The following RGL4 variants were observed in gnomAD, a reference collection of about 807,000 sequenced individuals.
RGL4 encodes ral guanine nucleotide dissociation stimulator like 4.
A neutral mutation model predicts 49.6 loss-of-function variants in RGL4; 41 were observed. That is an observed-to-expected ratio of 0.83 (90% CI 0.64 to 1.07). RGL4 has a LOEUF of 1.07. Ranked by LOEUF, RGL4 falls within the 50% of genes least tolerant of loss-of-function variation. RGL4 has a pLI of 0.00. For synonymous variants in RGL4, 255 were observed against 238.0 expected (o/e 1.07, Z -0.66); for missense variants, 610 against 591.9 (o/e 1.03, Z -0.32).
Position 23,692,803 on chromosome 22 carries a change from T to A in RGL4, c.508T>A (p.Ser170Thr). ...AALGPPGYLH[S>T]APGPAPAPGE... ...CCTGGGTCCACCAGGATATCTACAT[T>A]CAGCACCAGGGCCAGCACCAGCACC... The change falls in exon 3 of 11, where the codon TCA becomes ACA. Residue 170 changes from serine to threonine, a missense_variant. By Grantham distance (58) the Ser-to-Thr change is moderately conservative (BLOSUM62 1). Transcript: ENST00000290691. 1 of 1,613,418 alleles carries A rather than the reference T, an allele frequency of 6.2e-7. No homozygotes were observed. The highest frequency in any genetic ancestry group is 8.5e-7 in the Non-Finnish European group (1 of 1,179,960).
Position 23,692,559 on chromosome 22 carries a change from C to T in RGL4, c.373+31C>T, listed in dbSNP as rs372384519. 189 of 1,596,352 alleles carry T rather than the reference C, an allele frequency of 1.2e-4. 1 individual carries two copies. Among genetic ancestry groups the T allele is most frequent in the South Asian group, 4.2e-4 (38 of 90,278 alleles). The stretch of plus-strand genomic sequence containing the variant: ...GGGGCTTGCAGTCTGCAAGACTTTC[C>T]GGGGGTGGTGTTTTGGGGCTACAAT... On this transcript the variant is annotated intron_variant, in intron 2 of 10. Transcript: ENST00000290691.
Position 23,698,912 on chromosome 22 carries a change from C to G in RGL4, c.*29C>G. ...GGCAACATCCTGCAGTGGCTGGGAA[C>G]CCACCGGGATGCTGGCCAGAACACC... On this transcript the variant is annotated 3_prime_UTR_variant, in exon 11 of 11. Coordinates refer to ENST00000290691, the MANE Select transcript of RGL4 (RefSeq NM_153615.2). 6.2e-7 allele frequency: 1 copy of G among 1,610,398 alleles called. No individual in the cohort carries two copies. The highest frequency in any genetic ancestry group is 8.5e-7 in the Non-Finnish European group (1 of 1,178,478).
In RGL4 at chr22:23,692,904, T is replaced by A; in HGVS notation, c.609T>A (p.Ser203=). 6.2e-7 allele frequency: 1 copy of A among 1,613,646 alleles called. No individual in the cohort carries two copies. The highest frequency in any genetic ancestry group is 8.5e-7 in the Non-Finnish European group (1 of 1,180,028). ...AGTCCTCCTGTCCCTGTCGTGGGTC[T>A]GTAAAGAACCAACCCAGTGAGGAGC... ...APESSCPCRG[S]VKNQPSEELP... The change falls in exon 3 of 11, where the codon TCT becomes TCA. Residue 203 remains serine (S), a synonymous_variant. Coordinates refer to ENST00000290691, the MANE Select transcript of RGL4 (RefSeq NM_153615.2).
intron 6 of RGL4, chr22:23,695,438 TCTGCTGCTG>T (rs60344348): frequency 2.2e-4 from 118 of 547,916 alleles, no homozygotes; most frequent in African/African-American, 7.3e-4. Flanking sequence ...AAGCCAGGCC[TCTGCTGCTG>T]CTGCTGCTGC....
At chr22:23,698,788 C>A (rs1250590540) in intron 10 of RGL4, 56 bp from the exon 11 acceptor site, 3 of 1,561,144 alleles carry the variant, frequency 1.9e-6, no homozygotes, top group Non-Finnish European at 2.6e-6. Flanking sequence ...CAGGCACTGA[C>A]AGGGGACCTG....
chr22:23,694,691 G>A, intron 5 of RGL4: 1 of 594,314 alleles, frequency 1.7e-6, no homozygotes, highest in Non-Finnish European at 3.0e-6. Flanking sequence ...TCAGGTGTTT[G>A]TACCCAGCAG....
intron 3 of RGL4, chr22:23,693,304 C>T: frequency 2.1e-6 from 1 of 475,774 alleles, no homozygotes; most frequent in Non-Finnish European, 3.8e-6. Context: ...GCTCAGGAGC[C>T]TCACTACCCT....
Position 23,698,325 on chromosome 22 carries a change from CAAAG to C in RGL4, c.1376_1379del (p.Lys459ArgfsTer43). On this transcript the variant is annotated frameshift_variant, in exon 10 of 11. Transcript: ENST00000290691. LOFTEE classifies it low-confidence loss of function (END_TRUNC). ...TCACAAGAATGGAGCAGCTCAGTGA[CAAAG>C]AGAGGTGAGGGCCTAGCCCATGGGC... 6.2e-7 allele frequency: 1 copy of C among 1,603,242 alleles called. No individual in the cohort carries two copies. Among genetic ancestry groups the C allele is most frequent in the Non-Finnish European group, 8.5e-7 (1 of 1,171,002 alleles).
chr22:23,695,426 G>A, intron 6 of RGL4: 1 of 558,124 alleles, frequency 1.8e-6, no homozygotes, highest in Non-Finnish European at 3.1e-6. Flanking sequence ...CAATTCCTCA[G>A]GAAGCCAGGC....
Position 23,693,943 on chromosome 22 carries a change from G to A in RGL4, c.881G>A (p.Arg294Lys), listed in dbSNP as rs1212356906. The A allele has an allele frequency of 6.2e-7, 1 of 1,613,792 alleles. No individual in the cohort carries two copies. Among genetic ancestry groups the A allele is most frequent in the East Asian group, 2.2e-5 (1 of 44,882 alleles). The change falls in exon 4 of 11, where the codon AGG becomes AAG. Residue 294 changes from arginine (R) to lysine (K), a missense_variant. Coordinates refer to ENST00000290691, the MANE Select transcript of RGL4 (RefSeq NM_153615.2). ...AGCATGAGGGCCCGGGACAGGGCCA[G>A]GGTGGTGGAGCACTGGATCAAGGTG... is the stretch of plus-strand genomic sequence containing the variant. ...DHSMRARDRA[R>K]VVEHWIKVAR...
intron 6 of RGL4, chr22:23,695,271 GC>G (rs1923412973): frequency 4.2e-6 from 2 of 479,532 alleles, no homozygotes; most frequent in Middle Eastern, 5.8e-4. Flanking sequence ...CTGCTGGGCT[GC>G]TGGGCTGCTG....
chr22:23,694,481 G>C lies in RGL4; in HGVS notation c.1016+31G>C, dbSNP rs376129995. The stretch of plus-strand genomic sequence containing the variant: ...GAGGGCTCTCTCCATGGCAGCATCA[G>C]GGTTGACCTAGGGACTCACAGGTCT... On this transcript the variant is annotated intron_variant, in intron 5 of 10. Transcript: ENST00000290691. The C allele has an allele frequency of 7.5e-5, 112 of 1,492,498 alleles. No individual in the cohort carries two copies. The African/African-American group carries it at 1.3e-3, about 17-fold the overall frequency. 92.5% of individuals were successfully genotyped at this position (1,492,498 alleles called of 1,614,324 possible). A position where few individuals can be genotyped will look rare whatever the true frequency, so the allele number is the denominator to read the frequency against.
Position 23,692,164 on chromosome 22 carries a change from T to C in RGL4, c.134T>C (p.Leu45Pro), listed in dbSNP as rs779039007. 1 of 1,614,220 alleles carries C rather than the reference T, an allele frequency of 6.2e-7. No individual in the cohort carries two copies. The highest frequency in any genetic ancestry group is 8.5e-7 in the Non-Finnish European group (1 of 1,180,032). The change falls in exon 1 of 11, where the codon CTG (leucine) becomes CCG (proline). Residue 45 changes from leucine (L) to proline (P), a missense_variant. Transcript: ENST00000290691. ...CGCACGAGGGTCTGTACAGCCCTGC[T>C]GTATGGCCAGGTCTGCCCCTTCCAG... ...PGRTRVCTAL[L>P]YGQVCPFQDS...
At position 23,692,877 on chromosome 22, in the gene RGL4, A is replaced by C; in HGVS notation, c.582A>C (p.Pro194=). ...CAGTGCTGGAGCCACAGTCAGCCCC[A>C]GAGTCCTCCTGTCCCTGTCGTGGGT... ...PGTVLEPQSA[P]ESSCPCRGSV... The change falls in exon 3 of 11, where the codon CCA becomes CCC. Residue 194 remains proline, a synonymous_variant. Coordinates refer to ENST00000290691, the MANE Select transcript of RGL4 (RefSeq NM_153615.2). 1.9e-6 allele frequency: 3 copies of C among 1,613,672 alleles called. No homozygotes were observed. The highest frequency in any genetic ancestry group is 2.5e-6 in the Non-Finnish European group (3 of 1,180,024).
chr22:23,698,714 C>A lies in RGL4; in HGVS notation c.1383-130C>A, dbSNP rs537465887. ...CAGCTGCAGAGAGCCTATGGCCATGCCTCCACGGCCAGCATCAAGCCCTGT... is the reference window on the plus strand; with the variant it reads ...CAGCTGCAGAGAGCCTATGGCCATGACTCCACGGCCAGCATCAAGCCCTGT... On this transcript the variant is annotated intron_variant, in intron 10 of 10. Coordinates refer to ENST00000290691, the MANE Select transcript of RGL4 (RefSeq NM_153615.2). 177 of 1,203,160 alleles carry A rather than the reference C, an allele frequency of 1.5e-4. 1 individual carries two copies. The African/African-American group carries it at 2.0e-3, about 14-fold the overall frequency. The allele number at this position is 1,203,160 out of a possible 1,614,324, so 74.5% of individuals were successfully genotyped here.
At position 23,692,889 on chromosome 22, in the gene RGL4, T is replaced by A; in HGVS notation, c.594T>A (p.Cys198Ter). 1 of 1,613,616 alleles carries A rather than the reference T, an allele frequency of 6.2e-7. No individual in the cohort carries two copies. Among genetic ancestry groups the A allele is most frequent in the South Asian group, 1.1e-5 (1 of 91,084 alleles). ...CACAGTCAGCCCCAGAGTCCTCCTG[T>A]CCCTGTCGTGGGTCTGTAAAGAACC... ...LEPQSAPESSCPCRGSVKNQP... is the reference protein window; with the variant it reads ...LEPQSAPESS The change falls in exon 3 of 11, where the codon TGT (cysteine) becomes TGA (stop). Residue 198 changes from cysteine (C) to a stop codon, truncating the protein, a stop_gained. Coordinates refer to ENST00000290691, the MANE Select transcript of RGL4 (RefSeq NM_153615.2). LOFTEE classifies it high-confidence loss of function.
At chr22:23,695,839 C>CA in intron 6 of RGL4, among the ~76,000 whole-genome samples, 1 of 152,294 alleles carries the variant, frequency 6.6e-6, no homozygotes, top group South Asian at 2.1e-4. Context: ...CCATTGCAGT[C>CA]AGAGATGGCG....
intron 8 of RGL4, 25 bp from the exon 9 acceptor site, chr22:23,697,813 C>A: frequency 6.2e-7 from 1 of 1,600,360 alleles, no homozygotes; most frequent in Non-Finnish European, 8.5e-7. Context: ...AGGGGCCTTT[C>A]TGATGGACTC....
chr22:23,695,119 T>G (rs12170464), intron 6 of RGL4, 100 bp downstream of exon 6: 140,505 of 936,912 alleles, frequency 0.15, 12,284 homozygotes, highest in Non-Finnish European at 0.18. Context: ...GTTATTTTGT[T>G]TGGTTTTGAC....
Sources: allele counts gnomAD v4.1 joint callset (sites outside exome capture counted in the v4.1 genomes callset), GRCh38; gene constraint gnomAD v4.1.1; transcripts MANE v1.5; gene names NCBI Gene and HGNC (gene_info 2026-07-23, HGNC 2026-07-21).